The following DGKB variants were observed in gnomAD, a reference collection of about 807,000 sequenced individuals.
DGKB encodes diacylglycerol kinase beta, also known as 90 kDa diacylglycerol kinase.
DGKB carries 67 observed loss-of-function variants against 114.3 expected under a neutral mutation model. The ratio of observed to expected loss-of-function variants is 0.59; its 90% CI spans 0.48 to 0.72. DGKB has a LOEUF of 0.72. Ranked by LOEUF, DGKB falls within the 30% of genes least tolerant of loss-of-function variation. The probability of loss-of-function intolerance (pLI) is 0.00; values close to 1 mark genes in which losing one functional copy is unlikely to be tolerated. For synonymous variants in DGKB, 398 were observed against 323.1 expected, an observed-to-expected ratio of 1.23 and a Z score of -2.49; for missense variants, 907 against 975.2, an observed-to-expected ratio of 0.93 and a Z score of 0.93.
chr7:14,632,251 T>C (rs1809867834), intron 13 of DGKB, among the ~76,000 whole-genome samples: 1 of 151,946 alleles, frequency 6.6e-6, no homozygotes, highest in Admixed American at 6.6e-5. Flanking sequence ...TATTATGGAA[T>C]CATTGTTAAT....
At chr7:14,807,912 T>G (rs1842965407) in intron 2 of DGKB, among the ~76,000 whole-genome samples, 1 of 152,068 alleles carries the variant, frequency 6.6e-6, no homozygotes, top group African/African-American at 2.4e-5. Context: ...TATATTTTGG[T>G]GTTATTTTAA....
At chr7:14,157,041 C>T (rs1193292454) in intron 25 of DGKB, among the ~76,000 whole-genome samples, 1 of 152,052 alleles carries the variant, frequency 6.6e-6, no homozygotes, top group African/African-American at 2.4e-5. Context: ...TGTATCTAGC[C>T]AAAAATTTTC....
chr7:14,298,128 G>C (rs2128483129), intron 23 of DGKB, among the ~76,000 whole-genome samples: 1 of 152,244 alleles, frequency 6.6e-6, no homozygotes, highest in South Asian at 2.1e-4. Flanking sequence ...TGGCCATACT[G>C]CCCAAAGTAA....
intron 6 of DGKB, among the ~76,000 whole-genome samples, chr7:14,713,230 A>G (rs1360118660): frequency 6.6e-6 from 1 of 152,152 alleles, no homozygotes; most frequent in East Asian, 1.9e-4. Context: ...TTCATAATGA[A>G]TATATCCTAC....
chr7:14,604,206 T>C (rs1804061338), intron 17 of DGKB, among the ~76,000 whole-genome samples: 3 of 152,202 alleles, frequency 2.0e-5, no homozygotes, highest in Middle Eastern at 6.8e-3. Flanking sequence ...CAGGGAGAGA[T>C]GATTTATATA....
Position 14,855,649 on chromosome 7 carries a change from C to T in DGKB, c.-187-14199G>A, listed in dbSNP as rs1850039226. 8.5e-5 allele frequency among the ~76,000 whole-genome samples: 13 copies of T among 152,102 alleles called. 1 individual carries two copies. Among genetic ancestry groups the T allele is most frequent in the Admixed American group, 8.5e-4 (13 of 15,252 alleles). ...TGAGTAAGTTCTTTAAGGAAAGTCTCAGTTATTGCTTTACTTACCAAAAAT... is the reference window on the plus strand; with the variant it reads ...TGAGTAAGTTCTTTAAGGAAAGTCTTAGTTATTGCTTTACTTACCAAAAAT... On this transcript the variant is annotated intron_variant, in intron 1 of 25. Coordinates refer to ENST00000402815, the MANE Select transcript of DGKB (RefSeq NM_001350709.2).
At chr7:14,234,210 T>G (rs571064413) in intron 23 of DGKB, among the ~76,000 whole-genome samples, 1 of 152,008 alleles carries the variant, frequency 6.6e-6, no homozygotes, top group East Asian at 1.9e-4. Flanking sequence ...AATCCTCTCC[T>G]CCGTCTCACA....
At chr7:14,771,686 TCAAAATATATTTTCCC>T (rs1447283536) in intron 2 of DGKB, among the ~76,000 whole-genome samples, 2 of 151,988 alleles carry the variant, frequency 1.3e-5, no homozygotes, top group African/African-American at 4.8e-5. Context: ...AGGGAAAAAA[TCAAAATATATTTTCCC>T]CAAAATATAT....
At chr7:14,454,763 T>G (rs1832036489) in intron 21 of DGKB, among the ~76,000 whole-genome samples, 1 of 152,032 alleles carries the variant, frequency 6.6e-6, no homozygotes, top group African/African-American at 2.4e-5. Flanking sequence ...CTGCATACAC[T>G]TGAGTCACAT....
Position 14,757,647 on chromosome 7 carries a change from A to G in DGKB, c.147+8T>C. On this transcript the variant is annotated splice_region_variant and intron_variant, in intron 3 of 25. Transcript: ENST00000402815. Reference sequence around the variant, plus strand: ...TACGAAACTGATATAAAGAAAAAGAAGTTTTACCCCTTCAGGATTATACTT... The same window carrying G: ...TACGAAACTGATATAAAGAAAAAGAGGTTTTACCCCTTCAGGATTATACTT... 6.5e-7 allele frequency: 1 copy of G among 1,527,858 alleles called. No individual in the cohort carries two copies. The highest frequency in any genetic ancestry group is 9.0e-7 in the Non-Finnish European group (1 of 1,111,576). 94.6% of individuals were successfully genotyped at this position (1,527,858 alleles called of 1,614,324 possible). A position where few individuals can be genotyped will look rare whatever the true frequency, so the allele number is the denominator to read the frequency against.
At chr7:14,163,317 C>G (rs1289354168) in intron 25 of DGKB, among the ~76,000 whole-genome samples, 3 of 152,062 alleles carry the variant, frequency 2.0e-5, no homozygotes, top group African/African-American at 4.8e-5. Flanking sequence ...AGAAAGCATA[C>G]AAGCAGTAAA....
intron 22 of DGKB, among the ~76,000 whole-genome samples, chr7:14,343,434 T>C (rs1811955720): frequency 6.6e-6 from 1 of 151,826 alleles, no homozygotes; most frequent in African/African-American, 2.4e-5. Flanking sequence ...CAAAACCACT[T>C]AATTTTATCA....
intron 21 of DGKB, among the ~76,000 whole-genome samples, chr7:14,392,021 C>T (rs905083565): frequency 6.6e-6 from 1 of 152,090 alleles, no homozygotes; most frequent in Non-Finnish European, 1.5e-5. Context: ...AGAACTATAA[C>T]TCTTAGTACA....
At chr7:14,235,068 T>A (rs1792552524) in intron 23 of DGKB, among the ~76,000 whole-genome samples, 1 of 152,068 alleles carries the variant, frequency 6.6e-6, no homozygotes, top group Admixed American at 6.6e-5. Context: ...GACTGACTTC[T>A]CTTCTTTCAG....
Position 14,717,144 on chromosome 7 carries a change from G to A in DGKB, c.466+1398C>T, listed in dbSNP as rs563988563. 2.7e-3 allele frequency among the ~76,000 whole-genome samples: 414 copies of A among 152,244 alleles called. 4 individuals are homozygous for A. Among genetic ancestry groups the A allele is most frequent in the African/African-American group, 9.7e-3 (404 of 41,562 alleles). On this transcript the variant is annotated intron_variant, in intron 6 of 25. Coordinates refer to ENST00000402815, the MANE Select transcript of DGKB (RefSeq NM_001350709.2). ...GTAGACAAAATCTATGTGGGTTCAA[G>A]GATGCACATGGAAAACTCAAAAGCA...
intron 13 of DGKB, among the ~76,000 whole-genome samples, chr7:14,660,358 G>C (rs899826944): frequency 3.8e-4 from 57 of 151,760 alleles, no homozygotes; most frequent in Non-Finnish European, 7.4e-4. Context: ...GAATCCATCT[G>C]GTCCTGGACT....
chr7:14,744,314 G>T (rs12699663), intron 4 of DGKB, among the ~76,000 whole-genome samples: 139,636 of 152,252 alleles, frequency 0.92, 65,179 homozygotes, highest in East Asian at 1. Context: ...TTGGAGAGAT[G>T]GGTTGTTTTA....
intron 13 of DGKB, among the ~76,000 whole-genome samples, chr7:14,644,241 A>T (rs1812459672): frequency 6.6e-6 from 1 of 152,212 alleles, no homozygotes; most frequent in Non-Finnish European, 1.5e-5. Context: ...TATGAAAGCT[A>T]CTTCAGAAAA....
At chr7:14,409,811 G>A (rs944099326) in intron 21 of DGKB, among the ~76,000 whole-genome samples, 1 of 150,862 alleles carries the variant, frequency 6.6e-6, no homozygotes, top group Non-Finnish European at 1.5e-5. Flanking sequence ...AGACAAAAAC[G>A]ATTCATCTTA....
Sources: allele counts gnomAD v4.1 joint callset (sites outside exome capture counted in the v4.1 genomes callset), GRCh38; gene constraint gnomAD v4.1.1; transcripts MANE v1.5; gene names NCBI Gene and HGNC (gene_info 2026-07-23, HGNC 2026-07-21).